CHST11: variants seen among roughly 807,000 people sequenced by gnomAD.
The protein encoded by CHST11 is carbohydrate sulfotransferase 11.
A neutral mutation model predicts 30.4 loss-of-function variants in CHST11; 9 were observed. The observed-to-expected ratio is 0.30, with a 90% confidence interval of 0.18 to 0.52. The LOEUF (loss-of-function observed/expected upper bound fraction) is 0.52, where lower values mean the gene tolerates loss of function less well. Ranked by LOEUF, CHST11 falls within the 20% of genes least tolerant of loss-of-function variation. CHST11 has a pLI of 0.97. For missense variants in CHST11, 348 were observed against 460.6 expected (o/e 0.76, Z 2.24); for synonymous variants, 152 against 187.8 (o/e 0.81, Z 1.56).
chr12:104,583,185 GT>G (rs1388684757), intron 1 of CHST11, among the ~76,000 whole-genome samples: 2 of 152,138 alleles, frequency 1.3e-5, no homozygotes, highest in Non-Finnish European at 2.9e-5. Context: ...ATGGGACCTT[GT>G]CTCTCCATTT....
At chr12:104,477,881 T>C (rs2037578861) in intron 1 of CHST11, among the ~76,000 whole-genome samples, 3 of 152,180 alleles carry the variant, frequency 2.0e-5, no homozygotes, top group Admixed American at 6.5e-5. Context: ...TAGGAGGCAT[T>C]GTGCACTCAA....
chr12:104,457,328 C>A lies in CHST11; in HGVS notation c.-84C>A. Reference sequence around the variant, plus strand: ...TCAGCTCTGCCCCGCGCCTCCCGGGCTCCGGTCCGCGCGGCGGGGTCCCTG... The same window carrying A: ...TCAGCTCTGCCCCGCGCCTCCCGGGATCCGGTCCGCGCGGCGGGGTCCCTG... On this transcript the variant is annotated 5_prime_UTR_variant, in exon 1 of 3. Coordinates refer to ENST00000303694, the MANE Select transcript of CHST11 (RefSeq NM_018413.6). 1.1e-6 allele frequency: 1 copy of A among 950,024 alleles called. No homozygotes were observed. Among genetic ancestry groups the A allele is most frequent in the Non-Finnish European group, 1.7e-6 (1 of 605,968 alleles). 58.8% of individuals were successfully genotyped at this position (950,024 alleles called of 1,614,324 possible). A position where few individuals can be genotyped will look rare whatever the true frequency, so the allele number is the denominator to read the frequency against.
intron 1 of CHST11, among the ~76,000 whole-genome samples, chr12:104,525,362 C>G (rs1401317286): frequency 6.6e-6 from 1 of 152,148 alleles, no homozygotes; most frequent in Non-Finnish European, 1.5e-5. Context: ...GTTTAAATGG[C>G]AAACACTTTC....
chr12:104,621,484 G>C (rs1359886400), intron 2 of CHST11, among the ~76,000 whole-genome samples: 7 of 152,350 alleles, frequency 4.6e-5, no homozygotes, highest in Admixed American at 3.3e-4. Context: ...ACTTTGCAAA[G>C]GCAGTTTAAG....
At chr12:104,606,992 G>C (rs2039011698) in intron 2 of CHST11, among the ~76,000 whole-genome samples, 1 of 152,136 alleles carries the variant, frequency 6.6e-6, no homozygotes, top group African/African-American at 2.4e-5. Flanking sequence ...CTGGGAGGCG[G>C]AGGTTGCAGT....
At chr12:104,639,977 T>G (rs1367778587) in intron 2 of CHST11, among the ~76,000 whole-genome samples, 1 of 152,212 alleles carries the variant, frequency 6.6e-6, no homozygotes, top group Admixed American at 6.5e-5. Flanking sequence ...TAAGAAAGGA[T>G]GCTCTACATC....
At chr12:104,677,725 C>T (rs757706474) in intron 2 of CHST11, among the ~76,000 whole-genome samples, 1 of 152,240 alleles carries the variant, frequency 6.6e-6, no homozygotes, top group Admixed American at 6.5e-5. Context: ...CGCACAGCTT[C>T]CCCTCCTCCT....
At chr12:104,658,435 A>G (rs61938625) in intron 2 of CHST11, among the ~76,000 whole-genome samples, 44,282 of 152,050 alleles carry the variant, frequency 0.29, 6,490 homozygotes, top group African/African-American at 0.32. Flanking sequence ...ACCCCACCCT[A>G]AGGACCTCAT....
intron 1 of CHST11, among the ~76,000 whole-genome samples, chr12:104,598,462 C>G (rs946718833): frequency 1.3e-5 from 2 of 152,074 alleles, no homozygotes; most frequent in Non-Finnish European, 2.9e-5. Flanking sequence ...ATTGGATGCT[C>G]AAGAATCAGA....
intron 1 of CHST11, among the ~76,000 whole-genome samples, chr12:104,493,765 G>A (rs1456428309): frequency 5.3e-5 from 8 of 152,170 alleles, no homozygotes; most frequent in African/African-American, 1.9e-4. Context: ...CCGTCCCTTC[G>A]GACACATTTC....
chr12:104,681,012 G>A (rs2136101947), intron 2 of CHST11, among the ~76,000 whole-genome samples: 1 of 152,356 alleles, frequency 6.6e-6, no homozygotes, highest in East Asian at 1.9e-4. Context: ...GGGTTGTTGT[G>A]AGGATGAATT....
chr12:104,473,253 A>C (rs554536060), intron 1 of CHST11, among the ~76,000 whole-genome samples: 1 of 152,332 alleles, frequency 6.6e-6, no homozygotes, highest in African/African-American at 2.4e-5. Context: ...AAAGTAAGAA[A>C]GAGCTTAAAG....
At chr12:104,640,920 G>A (rs574212176) in intron 2 of CHST11, among the ~76,000 whole-genome samples, 16 of 152,178 alleles carry the variant, frequency 1.1e-4, no homozygotes, top group African/African-American at 1.4e-4. Flanking sequence ...CTGTTTTCCC[G>A]CTCAAATGTT....
chr12:104,563,827 A>G (rs574458582), intron 1 of CHST11, among the ~76,000 whole-genome samples: 2 of 150,742 alleles, frequency 1.3e-5, no homozygotes, highest in Admixed American at 6.6e-5. Context: ...ATGGTTCGGG[A>G]GGGGTTTGGA....
At chr12:104,586,309 C>T (rs543987584) in intron 1 of CHST11, among the ~76,000 whole-genome samples, 2 of 152,108 alleles carry the variant, frequency 1.3e-5, no homozygotes, top group Non-Finnish European at 2.9e-5. Context: ...AAAGAATGGG[C>T]GAAAATCCCT....
intron 1 of CHST11, among the ~76,000 whole-genome samples, chr12:104,509,312 G>A (rs976566086): frequency 3.9e-5 from 6 of 152,198 alleles, no homozygotes; most frequent in African/African-American, 1.4e-4. Context: ...CCAGCCATGT[G>A]GAACTATAAG....
intron 2 of CHST11, among the ~76,000 whole-genome samples, chr12:104,603,090 C>T (rs572201649): frequency 1.3e-5 from 2 of 152,260 alleles, no homozygotes; most frequent in South Asian, 2.1e-4. Flanking sequence ...CCTGAGGCTT[C>T]CTGTACTGGG....
At chr12:104,726,995 T>C (rs912593530) in intron 2 of CHST11, among the ~76,000 whole-genome samples, 1 of 152,200 alleles carries the variant, frequency 6.6e-6, no homozygotes, top group Non-Finnish European at 1.5e-5. Context: ...TATGCCCACC[T>C]GGCATTTTTG....
intron 1 of CHST11, among the ~76,000 whole-genome samples, chr12:104,499,789 T>C (rs757118916): frequency 6.6e-6 from 1 of 152,196 alleles, no homozygotes; most frequent in Non-Finnish European, 1.5e-5. Flanking sequence ...CTTCCCTCAT[T>C]CTGCCCCTCT....
Sources: gnomAD v4.1 joint callset for allele counts (sites outside exome capture counted in the v4.1 genomes callset) on GRCh38, gnomAD v4.1.1 for gene constraint, MANE v1.5 for transcripts, NCBI Gene and HGNC (gene_info 2026-07-23, HGNC 2026-07-21) for gene names.